AP3D1: variants seen among roughly 807,000 people sequenced by gnomAD.
AP3D1 encodes the protein adaptor related protein complex 3 subunit delta 1.
In AP3D1, 51 loss-of-function variants were observed where a neutral mutation model predicts 147.6. That is an observed-to-expected ratio of 0.35 (90% CI 0.28 to 0.44). The LOEUF (loss-of-function observed/expected upper bound fraction) is 0.44, where lower values mean the gene tolerates loss of function less well. AP3D1 is among the 20% of genes least tolerant of loss of function. The pLI, the probability that AP3D1 is intolerant of heterozygous loss-of-function variation, is 1.00. For synonymous variants in AP3D1, 760 were observed against 663.0 expected (o/e 1.15, Z -2.25); for missense variants, 1,421 against 1,624.2 (o/e 0.87, Z 2.15).
chr19:2,111,747 G>A lies in AP3D1; in HGVS notation c.2869C>T (p.Pro957Ser), dbSNP rs746474101. 5.0e-6 allele frequency: 8 copies of A among 1,609,830 alleles called. No individual in the cohort carries two copies. The highest frequency in any genetic ancestry group is 5.9e-6 in the Non-Finnish European group (7 of 1,178,284). Residue 957 changes from proline (P) to serine (S), a missense_variant, in exon 25 of 32, where the codon CCT becomes TCT. This residue lies in a region of AP3D1 where 791 missense variants were observed against 761.4 expected (regional missense o/e 1.04). Transcript: ENST00000643116. ...TKGKKKSKKQ[P>S]PGSEEAAGEP... ...CCCGCTGCCTCCTCGCTGCCTGGAG[G>A]CTGCTTCTTGGACTTCTTCTTGCCT... is the stretch of plus-strand genomic sequence containing the variant.
intron 5 of AP3D1, among the ~76,000 whole-genome samples, chr19:2,130,745 A>C (rs769544640): frequency 4.6e-5 from 7 of 152,174 alleles, no homozygotes; most frequent in Non-Finnish European, 1.0e-4. Flanking sequence ...CTCCAGAGAG[A>C]GCCCTCTTCC....
At chr19:2,115,720 G>A in intron 18 of AP3D1, 107 bp from the exon 19 acceptor site, 1 of 1,220,730 alleles carries the variant, frequency 8.2e-7, no homozygotes, top group African/African-American at 1.5e-5. Context: ...ATCCTAAGGA[G>A]CTGGGGTCCT....
At chr19:2,115,040 G>A (rs1373706111) in intron 20 of AP3D1, among the ~76,000 whole-genome samples, 179 bp downstream of exon 20, 1 of 152,212 alleles carries the variant, frequency 6.6e-6, no homozygotes, top group Non-Finnish European at 1.5e-5. Context: ...CTGGCCCTGG[G>A]GCGGTGCGTC....
In AP3D1 at chr19:2,110,184, G is replaced by A. The variant is rs1371548708; in HGVS notation, c.3216C>T (p.Ser1072=). The A allele has an allele frequency of 6.2e-7, 1 of 1,612,840 alleles. No homozygotes were observed. The highest frequency in any genetic ancestry group is 1.7e-5 in the Admixed American group (1 of 60,026). Residue 1072 remains serine, a synonymous_variant, in exon 28 of 32, where the codon AGC becomes AGT. Transcript: ENST00000643116. ...NEAQYVFTIQ[S]IVMAQKLKGT... ...CCTTGAGCTTCTGCGCCATGACGATGCTCTGGATGGTGAACACATACTGGG... is the reference window on the plus strand; with the variant it reads ...CCTTGAGCTTCTGCGCCATGACGATACTCTGGATGGTGAACACATACTGGG...
At chr19:2,130,300 G>A (rs1211665065) in intron 6 of AP3D1, 108 bp downstream of exon 6, 5 of 1,509,178 alleles carry the variant, frequency 3.3e-6, no homozygotes, top group Non-Finnish European at 4.5e-6. Context: ...CCTGGACTGA[G>A]CCCTTCACCA....
At chr19:2,111,193 C>T (rs542520417) in intron 26 of AP3D1, 92 bp downstream of exon 26, 17 of 1,498,480 alleles carry the variant, frequency 1.1e-5, no homozygotes, top group East Asian at 9.0e-5. Flanking sequence ...TACCAACATC[C>T]GGGAGCTGTG....
chr19:2,132,420 G>A, intron 5 of AP3D1, 51 bp downstream of exon 5: 2 of 1,532,190 alleles, frequency 1.3e-6, no homozygotes, highest in Non-Finnish European at 1.8e-6. Flanking sequence ...CTTTGACCGA[G>A]TTTTTCCCAG....
Position 2,114,203 on chromosome 19 carries a change from G to A in AP3D1, c.2523C>T (p.Ser841=). 6.2e-7 allele frequency: 1 copy of A among 1,610,468 alleles called. No individual in the cohort carries two copies. The highest frequency in any genetic ancestry group is 8.5e-7 in the Non-Finnish European group (1 of 1,178,600). The part of the protein sequence containing the change: ...EKDVPMVEKK[S]KKPKKKEKKH... ...TTTTCTCTTTCTTCTTGGGTTTCTT[G>A]CTCTTCTTTTCTACCATGGGAACGT... is the stretch of plus-strand genomic sequence containing the variant. The change falls in exon 22 of 32, where the codon AGC becomes AGT. Residue 841 remains serine, a synonymous_variant. Transcript: ENST00000643116.
At chr19:2,153,395 A>G (rs1452903242), upstream of AP3D1, among the ~76,000 whole-genome samples, 4 of 114,274 alleles carry the variant, frequency 3.5e-5, no homozygotes, top group South Asian at 3.0e-4. Flanking sequence ...GGGGGGGGGG[A>G]CCGGGCACAG....
chr19:2,114,412 C>T (rs939919700), intron 21 of AP3D1, 110 bp from the exon 22 acceptor site: 1 of 921,822 alleles, frequency 1.1e-6, no homozygotes, highest in African/African-American at 1.7e-5. Flanking sequence ...CTCCTCCAGC[C>T]CCTGGCCCCA....
chr19:2,137,789 C>T lies in AP3D1; in HGVS notation c.211G>A (p.Asp71Asn), dbSNP rs989616684. 1.1e-5 allele frequency: 17 copies of T among 1,613,814 alleles called. No individual in the cohort carries two copies. Among genetic ancestry groups the T allele is most frequent in the Admixed American group, 5.0e-5 (3 of 59,986 alleles). Residue 71 changes from aspartate to asparagine, a missense_variant, in exon 3 of 32, where the codon GAC becomes AAC. By Grantham distance (23) the Asp-to-Asn change is conservative. Coordinates refer to ENST00000643116, the MANE Select transcript of AP3D1 (RefSeq NM_001261826.3). ...ATGTTGAAGGCGGCCCAGCTGATGT[C>T]GTATCCCAACATCTGTAACTGTTAA... ...KLTYLQMLGY[D>N]ISWAAFNIIE...
At chr19:2,163,268 T>C (rs1454033105) in intron 1 of AP3D1, among the ~76,000 whole-genome samples, 1 of 152,030 alleles carries the variant, frequency 6.6e-6, no homozygotes, top group Non-Finnish European at 1.5e-5. Context: ...GAGACAGGGT[T>C]TCACCATGTT....
At chr19:2,159,242 G>A (rs1363103925) in intron 1 of AP3D1, among the ~76,000 whole-genome samples, 6 of 144,574 alleles carry the variant, frequency 4.2e-5, no homozygotes, top group Admixed American at 2.8e-4. Context: ...TTTTTGAGAC[G>A]GAGTCTCCCT....
chr19:2,132,561 G>A lies in AP3D1; in HGVS notation c.372C>T (p.Ser124=). The stretch of plus-strand genomic sequence containing the variant: ...TCAGTGCAACACCTGTGTCGTACTG[G>A]CTGGGGCTGCTCAAGTCCTGGAAAG... The part of the protein sequence containing the change: ...NQIRKDLSSP[S]QYDTGVALTG... Residue 124 remains serine, a synonymous_variant, in exon 5 of 32, where the codon AGC becomes AGT. Coordinates refer to ENST00000643116, the MANE Select transcript of AP3D1 (RefSeq NM_001261826.3). 6.2e-7 allele frequency: 1 copy of A among 1,606,034 alleles called. No individual in the cohort carries two copies. Among genetic ancestry groups the A allele is most frequent in the Non-Finnish European group, 8.5e-7 (1 of 1,173,422 alleles).
In AP3D1 at chr19:2,123,343, G is replaced by T. The variant is rs2145078131; in HGVS notation, c.955+15C>A. 6.2e-7 allele frequency: 1 copy of T among 1,613,528 alleles called. No individual in the cohort carries two copies. The highest frequency in any genetic ancestry group is 8.5e-7 in the Non-Finnish European group (1 of 1,179,602). On this transcript the variant is annotated intron_variant, in intron 11 of 31. Transcript: ENST00000643116. ...GGGACACGAAAATGACAGCACTGGG[G>T]AGGGGATGACTCACAGTTCTGATCG...
exon 1 of AP3D1, chr19:2,164,385 A>G: frequency 1.7e-6 from 1 of 597,304 alleles, no homozygotes; most frequent in Non-Finnish European, 2.4e-6. Context: ...GAGACCCTGG[A>G]CTCCACTGTC....
intron 1 of AP3D1, among the ~76,000 whole-genome samples, chr19:2,162,822 G>C (rs957096126): frequency 6.6e-6 from 1 of 152,194 alleles, no homozygotes; most frequent in African/African-American, 2.4e-5. Flanking sequence ...CTCTCCCAAC[G>C]TCACCCAGCA....
intron 25 of AP3D1, 93 bp from the exon 26 acceptor site, chr19:2,111,425 C>A: frequency 2.0e-6 from 3 of 1,491,662 alleles, no homozygotes; most frequent in Non-Finnish European, 1.8e-6. Context: ...TCGAATGCCA[C>A]GACTCCAAGA....
chr19:2,139,293 C>A (rs1459179605), intron 1 of AP3D1, among the ~76,000 whole-genome samples: 1 of 152,122 alleles, frequency 6.6e-6, no homozygotes, highest in Non-Finnish European at 1.5e-5. Flanking sequence ...ACACGCCCCA[C>A]CGTTTGCCAA....
Sources: allele counts gnomAD v4.1 joint callset (sites outside exome capture counted in the v4.1 genomes callset), GRCh38; gene constraint gnomAD v4.1.1; regional missense constraint gnomAD v4.1.1; transcripts MANE v1.5; gene names NCBI Gene and HGNC (gene_info 2026-07-23, HGNC 2026-07-21).